ACSS3: variants seen among roughly 807,000 people sequenced by gnomAD.
ACSS3 encodes acyl-CoA synthetase short chain family member 3.
A neutral mutation model predicts 84.2 loss-of-function variants in ACSS3; 64 were observed. That is an observed-to-expected ratio of 0.76 (90% CI 0.62 to 0.94). The LOEUF is 0.94. Ranked by LOEUF, ACSS3 falls within the 40% of genes least tolerant of loss-of-function variation. The pLI is 0.00. For missense variants in ACSS3, 815 were observed against 867.6 expected (o/e 0.94, Z 0.76); for synonymous variants, 317 against 310.1 (o/e 1.02, Z -0.23).
At chr12:81,144,809 A>T (rs773971391) in intron 5 of ACSS3, among the ~76,000 whole-genome samples, 7 of 152,088 alleles carry the variant, frequency 4.6e-5, no homozygotes, top group Non-Finnish European at 8.8e-5. Context: ...GTGTAGTAGA[A>T]ATCAAATAAA....
rs2135973520 is a variant in ACSS3 at position 81,233,341 on chromosome 12, G to A, written c.1597-8G>A. The A allele has an allele frequency of 1.2e-6, 2 of 1,607,708 alleles. No individual in the cohort carries two copies. Among genetic ancestry groups the A allele is most frequent in the Non-Finnish European group, 1.7e-6 (2 of 1,176,182 alleles). ...TGCTAATCAAATGTTATTTTTTCTT[G>A]TTTTCAGGGATATTATGATACCATG... On this transcript the variant is annotated splice_polypyrimidine_tract_variant and splice_region_variant and intron_variant, in intron 12 of 15. Coordinates refer to ENST00000548058, the MANE Select transcript of ACSS3 (RefSeq NM_024560.4).
chr12:81,147,859 G>T (rs535435986), intron 5 of ACSS3, among the ~76,000 whole-genome samples: 2 of 148,254 alleles, frequency 1.3e-5, no homozygotes, highest in South Asian at 4.2e-4. Context: ...TTGTCAGGCT[G>T]AATTGATACA....
At chr12:81,083,153 T>TA (rs1357367460) in intron 1 of ACSS3, among the ~76,000 whole-genome samples, 1 of 152,188 alleles carries the variant, frequency 6.6e-6, no homozygotes, top group Non-Finnish European at 1.5e-5. Flanking sequence ...TGCTGGGACT[T>TA]ACTTTCAGAA....
intron 1 of ACSS3, among the ~76,000 whole-genome samples, chr12:81,107,164 A>G (rs930847325): frequency 1.5e-4 from 23 of 152,058 alleles, no homozygotes; most frequent in Non-Finnish European, 2.4e-4. Flanking sequence ...GGCATCATCT[A>G]GGGAGAAACT....
intron 2 of ACSS3, among the ~76,000 whole-genome samples, chr12:81,131,488 ACT>A (rs1430960008): frequency 6.6e-6 from 1 of 151,998 alleles, no homozygotes; most frequent in Non-Finnish European, 1.5e-5. Flanking sequence ...GTATCCTAAG[ACT>A]CTGCTGAAGT....
intron 13 of ACSS3, among the ~76,000 whole-genome samples, chr12:81,240,741 A>C (rs138103769): frequency 1.1e-3 from 161 of 152,162 alleles, no homozygotes; most frequent in East Asian, 4.9e-3. Context: ...TGGTTGCCCT[A>C]ATGTTTGCAA....
chr12:81,079,045 T>G (rs1880805420), intron 1 of ACSS3, among the ~76,000 whole-genome samples: 1 of 152,126 alleles, frequency 6.6e-6, no homozygotes, highest in Admixed American at 6.5e-5. Context: ...AAGGGATTTA[T>G]GTACTGTGCT....
chr12:81,157,729 C>A (rs1431302900), intron 7 of ACSS3, among the ~76,000 whole-genome samples: 2 of 152,052 alleles, frequency 1.3e-5, no homozygotes, highest in Non-Finnish European at 2.9e-5. Context: ...ATCGCTTGAA[C>A]CCAGGAGGTG....
At chr12:81,198,029 G>A (rs1363200812) in intron 8 of ACSS3, among the ~76,000 whole-genome samples, 2 of 152,084 alleles carry the variant, frequency 1.3e-5, no homozygotes, top group African/African-American at 4.8e-5. Context: ...GTTGTGTACT[G>A]AAAATATCCT....
At chr12:81,167,390 A>T (rs181738394) in intron 7 of ACSS3, among the ~76,000 whole-genome samples, 102 of 152,342 alleles carry the variant, frequency 6.7e-4, no homozygotes, top group Non-Finnish European at 9.1e-4. Flanking sequence ...TTATGCTGCT[A>T]TAACAATACA....
At chr12:81,088,114 T>C (rs1273074337) in intron 1 of ACSS3, among the ~76,000 whole-genome samples, 6 of 152,086 alleles carry the variant, frequency 3.9e-5, no homozygotes, top group Non-Finnish European at 8.8e-5. Context: ...AGCAAGGCTT[T>C]TCACTTAGTT....
At chr12:81,083,914 G>C (rs1397632536) in intron 1 of ACSS3, among the ~76,000 whole-genome samples, 1 of 152,046 alleles carries the variant, frequency 6.6e-6, no homozygotes, top group East Asian at 1.9e-4. Context: ...AGCCAAGATT[G>C]TGCCACTGCA....
intron 2 of ACSS3, among the ~76,000 whole-genome samples, chr12:81,121,461 C>T (rs1178775845): frequency 6.6e-6 from 1 of 151,692 alleles, no homozygotes; most frequent in African/African-American, 2.4e-5. Flanking sequence ...CATATAAATG[C>T]TTCATAAAGG....
At chr12:81,104,587 C>G (rs1438807039) in intron 1 of ACSS3, among the ~76,000 whole-genome samples, 1 of 151,922 alleles carries the variant, frequency 6.6e-6, no homozygotes, top group Non-Finnish European at 1.5e-5. Flanking sequence ...TCCCACCCAG[C>G]CATGTGGGAG....
chr12:81,164,029 AT>A (rs2135790698), intron 7 of ACSS3, among the ~76,000 whole-genome samples: 1 of 152,294 alleles, frequency 6.6e-6, no homozygotes, highest in South Asian at 2.1e-4. Flanking sequence ...AATATGTAGT[AT>A]TGTACAATAA....
Position 81,079,857 on chromosome 12 carries a change from T to G in ACSS3, c.311+1426T>G, listed in dbSNP as rs78176423. Among the ~76,000 whole-genome samples, 724 of 152,318 alleles carry G rather than the reference T, an allele frequency of 4.8e-3. 1 individual carries two copies. Among genetic ancestry groups the G allele is most frequent in the Middle Eastern group, 0.01 (3 of 294 alleles). ...TGCAAATATGGAAATAATTGGAGGCTTAACTTAGTAAAGGATGAAGACTAT... is the reference window on the plus strand; with the variant it reads ...TGCAAATATGGAAATAATTGGAGGCGTAACTTAGTAAAGGATGAAGACTAT... On this transcript the variant is annotated intron_variant, in intron 1 of 15. Coordinates refer to ENST00000548058, the MANE Select transcript of ACSS3 (RefSeq NM_024560.4).
chr12:81,207,676 G>A (rs935338625), intron 9 of ACSS3, among the ~76,000 whole-genome samples: 2 of 152,074 alleles, frequency 1.3e-5, no homozygotes, highest in Non-Finnish European at 2.9e-5. Context: ...CTGTAAAAGC[G>A]GAACTTACGT....
chr12:81,235,459 T>C (rs1184084748), intron 13 of ACSS3, among the ~76,000 whole-genome samples: 6 of 151,366 alleles, frequency 4.0e-5, no homozygotes, highest in Non-Finnish European at 8.9e-5. Flanking sequence ...TTGTTGTAGC[T>C]ATACTAGTTC....
At chr12:81,092,326 G>T (rs1881722969) in intron 1 of ACSS3, among the ~76,000 whole-genome samples, 1 of 151,968 alleles carries the variant, frequency 6.6e-6, no homozygotes, top group Admixed American at 6.6e-5. Flanking sequence ...CGAGGAAAAA[G>T]GGCATTTTGC....
Sources: gnomAD v4.1 joint callset for allele counts (sites outside exome capture counted in the v4.1 genomes callset) on GRCh38, gnomAD v4.1.1 for gene constraint, MANE v1.5 for transcripts, NCBI Gene and HGNC (gene_info 2026-07-23, HGNC 2026-07-21) for gene names.